The following NPC1 variants were observed in gnomAD, a reference collection of about 807,000 sequenced individuals.
NPC1 encodes Niemann-Pick C1 protein.
Under a neutral mutation model 140.4 loss-of-function variants are expected in NPC1, and 85 were observed. The ratio of observed to expected loss-of-function variants is 0.61; its 90% CI spans 0.51 to 0.72. The LOEUF (loss-of-function observed/expected upper bound fraction) is 0.72. Among genes scored for constraint, NPC1 ranks in the 30% least tolerant of loss-of-function variants. The pLI is 0.00. For synonymous variants in NPC1, 656 were observed against 624.8 expected, an observed-to-expected ratio of 1.05 and a Z score of -0.74; for missense variants, 1,504 against 1,623.8, an observed-to-expected ratio of 0.93 and a Z score of 1.27.
At chr18:23,576,238 A>G (rs2059276567) in intron 1 of NPC1, among the ~76,000 whole-genome samples, 3 of 151,498 alleles carry the variant, frequency 2.0e-5, no homozygotes, top group African/African-American at 4.9e-5. Flanking sequence ...ACAAACAAAA[A>G]AACAAAACAA....
In NPC1 at chr18:23,544,943, A is replaced by ACCTCC. The variant is rs55809701; in HGVS notation, c.1947+16_1947+17insGGAGG. On this transcript the variant is annotated intron_variant, in intron 12 of 24. Coordinates refer to ENST00000269228, the MANE Select transcript of NPC1 (RefSeq NM_000271.5). The stretch of plus-strand genomic sequence containing the variant: ...GCTGTTAACCTCTAGAACATACACC[A>ACCTCC]CCCCCCCCCGGCTTACCAGAAGCCT... 9 of 1,042,306 alleles carry ACCTCC rather than the reference A, an allele frequency of 8.6e-6. No homozygotes were observed. The highest frequency in any genetic ancestry group is 2.2e-4 in the Middle Eastern group (1 of 4,544). The allele number at this position is 1,042,306 out of a possible 1,614,324, so 64.6% of individuals were successfully genotyped here. A position where few individuals can be genotyped will look rare whatever the true frequency, so the allele number is the denominator to read the frequency against.
chr18:23,530,481 A>G (rs765688018), downstream of NPC1: 3 of 1,614,288 alleles, frequency 1.9e-6, no homozygotes, highest in Non-Finnish European at 2.5e-6. Context: ...ATTGGTGGCC[A>G]TGACAACATT....
chr18:23,531,748 T>C lies in NPC1; in HGVS notation c.*454A>G, dbSNP rs2058516844. 1 of 1,588,620 alleles carries C rather than the reference T, an allele frequency of 6.3e-7. No individual in the cohort carries two copies. Among genetic ancestry groups the C allele is most frequent in the Non-Finnish European group, 8.5e-7 (1 of 1,172,332 alleles). On this transcript the variant is annotated 3_prime_UTR_variant, in exon 25 of 25. Coordinates refer to ENST00000269228, the MANE Select transcript of NPC1 (RefSeq NM_000271.5). ...TATATAAAAATGTGTACAAAGTTAA[T>C]TTATTGCATTAATAAAGCTCTTTAA...
intron 9 of NPC1, among the ~76,000 whole-genome samples, chr18:23,554,275 C>T (rs1631685): frequency 0.58 from 88,226 of 151,944 alleles, 26,862 homozygotes; most frequent in East Asian, 0.91. Context: ...CACGATAGCA[C>T]ATGTTATGTG....
intron 3 of NPC1, among the ~76,000 whole-genome samples, chr18:23,517,298 T>C (rs1029885785): frequency 6.6e-6 from 1 of 151,882 alleles, no homozygotes; most frequent in South Asian, 2.1e-4. Flanking sequence ...TACAGGTGCG[T>C]GCCACCATGC....
rs2058525703 is a variant in NPC1, at chr18:23,531,981, GAGA to G, written c.*218_*220del. 1.4e-6 allele frequency: 2 copies of G among 1,456,516 alleles called. No homozygotes were observed. The highest frequency in any genetic ancestry group is 1.8e-6 in the Non-Finnish European group (2 of 1,111,504). The allele number at this position is 1,456,516 out of a possible 1,614,324, so 90.2% of individuals were successfully genotyped here. A position where few individuals can be genotyped will look rare whatever the true frequency, so the allele number is the denominator to read the frequency against. On this transcript the variant is annotated 3_prime_UTR_variant, in exon 25 of 25. Coordinates refer to ENST00000269228, the MANE Select transcript of NPC1 (RefSeq NM_000271.5). ...GAGGTTTCTTTCCTGAAGAGGCTGG[GAGA>G]AGTTTAGTGTCCTGTGGTTGCCTCC... is the stretch of plus-strand genomic sequence containing the variant.
intron 4 of NPC1, 138 bp from the exon 5 acceptor site, chr18:23,561,665 C>A: frequency 1.2e-6 from 1 of 823,506 alleles, no homozygotes; most frequent in Admixed American, 2.1e-5. Flanking sequence ...CAAACACTAA[C>A]TAAGGGCACG....
At chr18:23,522,935 TG>T (rs1213827097) in intron 1 of NPC1, 23 of 152,440 alleles carry the variant, frequency 1.5e-4, no homozygotes, top group African/African-American at 5.5e-4. Flanking sequence ...CCAGCACTTT[TG>T]GGAAGAGTCA....
At chr18:23,527,133 C>T (rs966290603), downstream of NPC1, among the ~76,000 whole-genome samples, 35 of 148,764 alleles carry the variant, frequency 2.4e-4, no homozygotes, top group African/African-American at 8.8e-4. Context: ...CTTATAATCC[C>T]AGCACTCTGG....
At position 23,556,419 on chromosome 18, in the gene NPC1, G is replaced by C. The variant is rs1431751792; in HGVS notation, c.1150C>G (p.Pro384Ala). 1 of 1,614,160 alleles carries C rather than the reference G, an allele frequency of 6.2e-7. No individual in the cohort carries two copies. The highest frequency in any genetic ancestry group is 8.5e-7 in the Non-Finnish European group (1 of 1,180,034). Residue 384 changes from proline to alanine, a missense_variant, in exon 8 of 25, where the codon CCC becomes GCC. Coordinates refer to ENST00000269228, the MANE Select transcript of NPC1 (RefSeq NM_000271.5). The stretch of plus-strand genomic sequence containing the variant: ...TTTTCCAGGCGAGCCTGGCTGCTGG[G>C]GGCTGACCAGAGGTCAACTGGATTG... ...TTNPVDLWSA[P>A]SSQARLEKEY...
chr18:23,538,707 T>A, intron 19 of NPC1, 36 bp from the exon 20 acceptor site: 1 of 1,611,602 alleles, frequency 6.2e-7, no homozygotes, highest in South Asian at 1.1e-5. Context: ...GTTAGAAGAA[T>A]AGGTCTCCAG....
chr18:23,554,753 C>T lies in NPC1; in HGVS notation c.1553+5G>A. ...GTCTACCAATGATTGTCTCTTGCCA[C>T]TTACCGTACGCAGTACAGAAAGTGC... On this transcript the variant is annotated splice_donor_5th_base_variant and intron_variant, in intron 9 of 24. Coordinates refer to ENST00000269228, the MANE Select transcript of NPC1 (RefSeq NM_000271.5). 6.2e-7 allele frequency: 1 copy of T among 1,610,504 alleles called. No individual in the cohort carries two copies. Among genetic ancestry groups the T allele is most frequent in the African/African-American group, 1.3e-5 (1 of 74,984 alleles).
chr18:23,563,987 G>GTTCT (rs1428742457), intron 4 of NPC1, among the ~76,000 whole-genome samples: 2 of 102,600 alleles, frequency 1.9e-5, no homozygotes, highest in African/African-American at 8.1e-5. Flanking sequence ...AGTAGTAAGA[G>GTTCT]TTTTTTTTTT....
chr18:23,525,462 G>A (rs919874532), downstream of NPC1, among the ~76,000 whole-genome samples: 1 of 151,054 alleles, frequency 6.6e-6, no homozygotes, highest in African/African-American at 2.4e-5. Context: ...ATCTCGCTTT[G>A]TCACCAGGCT....
chr18:23,534,947 C>CT (rs1239888926), intron 22 of NPC1, among the ~76,000 whole-genome samples: 1 of 152,112 alleles, frequency 6.6e-6, no homozygotes, highest in African/African-American at 2.4e-5. Context: ...CCATGAATAC[C>CT]TTCTCAAGTG....
intron 3 of NPC1, among the ~76,000 whole-genome samples, chr18:23,571,362 A>G (rs992022538): frequency 6.6e-6 from 1 of 152,048 alleles, no homozygotes; most frequent in Non-Finnish European, 1.5e-5. Context: ...CTAGAAAAAA[A>G]TAAAAATTAG....
chr18:23,544,943 A>AGCCCCCCCCCCCCCC lies in NPC1; in HGVS notation c.1947+16_1947+17insGGGGGGGGGGGGGGC. On this transcript the variant is annotated intron_variant, in intron 12 of 24. Transcript: ENST00000269228. ...GCTGTTAACCTCTAGAACATACACC[A>AGCCCCCCCCCCCCCC]CCCCCCCCCGGCTTACCAGAAGCCT... 9.7e-7 allele frequency: 1 copy of AGCCCCCCCCCCCCCC among 1,032,988 alleles called. No homozygotes were observed. Among genetic ancestry groups the AGCCCCCCCCCCCCCC allele is most frequent in the Non-Finnish European group, 1.4e-6 (1 of 712,988 alleles). 64.0% of individuals were successfully genotyped at this position (1,032,988 alleles called of 1,614,324 possible).
chr18:23,513,234 G>A (rs192385246), intron 3 of NPC1, among the ~76,000 whole-genome samples: 3 of 152,276 alleles, frequency 2.0e-5, no homozygotes, highest in South Asian at 2.1e-4. Flanking sequence ...GATTACAGGC[G>A]TGAGCCACTG....
At chr18:23,564,591 G>A (rs1053563420) in intron 4 of NPC1, among the ~76,000 whole-genome samples, 22 of 152,156 alleles carry the variant, frequency 1.4e-4, no homozygotes, top group African/African-American at 4.6e-4. Context: ...CCGAACTGCT[G>A]GGATAACAGG....
Sources: gnomAD v4.1 joint callset for allele counts (sites outside exome capture counted in the v4.1 genomes callset) on GRCh38, gnomAD v4.1.1 for gene constraint, MANE v1.5 for transcripts, NCBI Gene and HGNC (gene_info 2026-07-23, HGNC 2026-07-21) for gene names.